Variants in GLIS3 observed in about 807,000 individuals in gnomAD.
GLIS3 encodes the protein zinc finger protein GLIS3.
A neutral mutation model predicts 78.6 loss-of-function variants in GLIS3; 53 were observed. The observed-to-expected ratio is 0.67, with a 90% CI of 0.54 to 0.85. GLIS3 has a LOEUF of 0.85. GLIS3 is among the 40% of genes least tolerant of loss of function. GLIS3 has a pLI of 0.00. For synonymous variants in GLIS3, 684 were observed against 509.9 expected (o/e 1.34, Z -4.60); for missense variants, 1,703 against 1,231.1 (o/e 1.38, Z -5.74).
At chr9:4,100,897 TCG>T (rs1830322134) in intron 4 of GLIS3, among the ~76,000 whole-genome samples, 1 of 152,150 alleles carries the variant, frequency 6.6e-6, no homozygotes, top group South Asian at 2.1e-4. Context: ...TGGAACCCTC[TCG>T]TTGTACAATA....
chr9:3,853,472 CATT>C (rs1819564340), intron 9 of GLIS3, among the ~76,000 whole-genome samples: 1 of 152,008 alleles, frequency 6.6e-6, no homozygotes, highest in South Asian at 2.1e-4. Flanking sequence ...GGGCTACAAA[CATT>C]ATCCCTATTC....
chr9:4,055,593 C>T (rs1006835439), intron 4 of GLIS3, among the ~76,000 whole-genome samples: 3 of 152,154 alleles, frequency 2.0e-5, no homozygotes, highest in African/African-American at 7.2e-5. Context: ...ACAGAAGGTT[C>T]AACTTGAAAT....
intron 4 of GLIS3, among the ~76,000 whole-genome samples, chr9:4,050,804 G>A (rs895759489): frequency 6.6e-6 from 1 of 152,036 alleles, no homozygotes; most frequent in African/African-American, 2.4e-5. Context: ...ACTTTTACAA[G>A]ACTGGTTAGG....
intron 2 of GLIS3, among the ~76,000 whole-genome samples, chr9:4,250,204 T>G (rs536675844): frequency 6.6e-6 from 1 of 152,300 alleles, no homozygotes; most frequent in Non-Finnish European, 1.5e-5. Flanking sequence ...GTACCAGCAC[T>G]TCTTTGTACC....
intron 4 of GLIS3, among the ~76,000 whole-genome samples, chr9:4,049,982 A>T (rs969635530): frequency 6.6e-6 from 1 of 152,114 alleles, no homozygotes; most frequent in East Asian, 1.9e-4. Flanking sequence ...AAATAGGAAC[A>T]CTTTTACACT....
chr9:3,870,714 C>A (rs1266708958), intron 8 of GLIS3, among the ~76,000 whole-genome samples: 1 of 152,244 alleles, frequency 6.6e-6, no homozygotes, highest in African/African-American at 2.4e-5. Context: ...TTATCCCCAA[C>A]AGGTCCCTCC....
At position 4,216,424 on chromosome 9, in the gene GLIS3, A is replaced by G. The variant is rs570688441; in HGVS notation, c.388+69614T>C. 6.0e-5 allele frequency among the ~76,000 whole-genome samples: 9 copies of G among 151,184 alleles called. No individual in the cohort carries two copies. In the South Asian group the frequency reaches 6.3e-4, roughly 11 times the overall value. On this transcript the variant is annotated intron_variant, in intron 2 of 10. Transcript: ENST00000381971. ...CAGTGAGAAAGGCGGAGCTTGCAGT[A>G]AGCTGAGATTGCGCCACTGCACTGC...
At chr9:4,050,214 T>C (rs567685685) in intron 4 of GLIS3, among the ~76,000 whole-genome samples, 132 of 152,270 alleles carry the variant, frequency 8.7e-4, no homozygotes, top group African/African-American at 3.1e-3. Context: ...CCAGCAATGA[T>C]AGACTGGATT....
intron 4 of GLIS3, among the ~76,000 whole-genome samples, chr9:3,993,010 AG>A (rs950781427): frequency 6.6e-6 from 1 of 152,168 alleles, no homozygotes; most frequent in Non-Finnish European, 1.5e-5. Context: ...GCCGGCTGCC[AG>A]GGTAAATCAT....
intron 2 of GLIS3, among the ~76,000 whole-genome samples, chr9:4,139,041 G>C (rs1833612991): frequency 6.6e-6 from 1 of 152,176 alleles, no homozygotes; most frequent in Non-Finnish European, 1.5e-5. Flanking sequence ...CTCAGGGTGA[G>C]ACCAGGCTGG....
intron 4 of GLIS3, among the ~76,000 whole-genome samples, chr9:4,059,829 T>TGTGTGAGAGAGAGAGAGA: frequency 1.9e-4 from 19 of 100,710 alleles, no homozygotes; most frequent in African/African-American, 5.8e-4. Context: ...TGTGTGTGTG[T>TGTGTGAGAGAGAGAGAGA]GAGAGAGAGA....
chr9:4,307,239 C>A (rs981766547), intron 4 of GLIS3, among the ~76,000 whole-genome samples: 34 of 152,296 alleles, frequency 2.2e-4, no homozygotes, highest in African/African-American at 8.2e-4. Flanking sequence ...AGCTGTAACA[C>A]TCTATTGCCT....
chr9:3,882,739 T>C (rs1044894225), intron 7 of GLIS3, among the ~76,000 whole-genome samples: 1 of 152,154 alleles, frequency 6.6e-6, no homozygotes, highest in Non-Finnish European at 1.5e-5. Flanking sequence ...TACGGCCCCA[T>C]GAGAACAAGA....
chr9:4,249,712 T>C (rs916150583), intron 2 of GLIS3, among the ~76,000 whole-genome samples: 3 of 152,342 alleles, frequency 2.0e-5, no homozygotes, highest in African/African-American at 7.2e-5. Flanking sequence ...TCAAAGGGAA[T>C]GCTTCCAGCT....
intron 4 of GLIS3, among the ~76,000 whole-genome samples, chr9:4,106,437 G>A (rs1421546658): frequency 2.0e-5 from 3 of 152,204 alleles, no homozygotes; most frequent in Admixed American, 1.3e-4. Flanking sequence ...ACCCAGGGCT[G>A]TGGTATTGCA....
intron 2 of GLIS3, among the ~76,000 whole-genome samples, chr9:4,226,609 T>A (rs1449767304): frequency 6.6e-6 from 1 of 152,156 alleles, no homozygotes; most frequent in Non-Finnish European, 1.5e-5. Flanking sequence ...CCTTCTGAAG[T>A]AGAACTCTAT....
At chr9:4,453,090 A>G in the GLIS3 span, among the ~76,000 whole-genome samples, 1 of 152,158 alleles carries the variant, frequency 6.6e-6, no homozygotes, top group Non-Finnish European at 1.5e-5. Context: ...TCATGGTGCT[A>G]GGAAAACTGA....
Position 4,238,012 on chromosome 9 carries a change from T to G in GLIS3, c.388+48026A>C, listed in dbSNP as rs574792883. Among the ~76,000 whole-genome samples the G allele has an allele frequency of 3.3e-5, 5 of 152,316 alleles. No individual in the cohort carries two copies. In the East Asian group the frequency reaches 7.7e-4, roughly 23 times the overall value. On this transcript the variant is annotated intron_variant, in intron 2 of 10. Coordinates refer to ENST00000381971, the MANE Select transcript of GLIS3 (RefSeq NM_001042413.2). Reference sequence around the variant, plus strand: ...CCAGAACTTCCTCAGAATTTCTACCTAGGAATGTTCTAGACCAGAAATTTT... The same window carrying G: ...CCAGAACTTCCTCAGAATTTCTACCGAGGAATGTTCTAGACCAGAAATTTT...
chr9:4,169,258 A>G (rs1816156792), intron 2 of GLIS3, among the ~76,000 whole-genome samples: 1 of 152,206 alleles, frequency 6.6e-6, no homozygotes, highest in Non-Finnish European at 1.5e-5. Context: ...CTTTGTATTC[A>G]CTGACCTTTA....
Sources: gnomAD v4.1 joint callset for allele counts (sites outside exome capture counted in the v4.1 genomes callset) on GRCh38, gnomAD v4.1.1 for gene constraint, MANE v1.5 for transcripts, NCBI Gene and HGNC (gene_info 2026-07-23, HGNC 2026-07-21) for gene names.